The following TENM4 variants were observed in gnomAD, a reference collection of about 807,000 sequenced individuals.
TENM4 encodes teneurin transmembrane protein 4.
A neutral mutation model predicts 243.3 loss-of-function variants in TENM4; 82 were observed. The observed-to-expected ratio is 0.34, with a 90% confidence interval of 0.28 to 0.40. The LOEUF (loss-of-function observed/expected upper bound fraction) is 0.40, where lower values mean the gene tolerates loss of function less well. Among genes scored for constraint, TENM4 ranks in the 10% least tolerant of loss-of-function variants. The pLI is 1.00. For synonymous variants in TENM4, 1,412 were observed against 1,456.3 expected (o/e 0.97, Z 0.69); for missense variants, 3,138 against 3,673.3 (o/e 0.85, Z 3.77).
chr11:79,343,331 C>T (rs942718705), intron 1 of TENM4, among the ~76,000 whole-genome samples: 1 of 152,172 alleles, frequency 6.6e-6, no homozygotes, highest in Non-Finnish European at 1.5e-5. Flanking sequence ...CACAGAGGCT[C>T]AGGAAAGTGA....
chr11:78,755,975 C>T (rs1856295694), intron 19 of TENM4, among the ~76,000 whole-genome samples: 1 of 152,088 alleles, frequency 6.6e-6, no homozygotes, highest in African/African-American at 2.4e-5. Context: ...ATTATAAATC[C>T]CTGCTCTTGG....
At chr11:79,072,538 A>G (rs1197714640) in intron 4 of TENM4, among the ~76,000 whole-genome samples, 1 of 152,180 alleles carries the variant, frequency 6.6e-6, no homozygotes, top group African/African-American at 2.4e-5. Flanking sequence ...ACACACATTG[A>G]TGTATGCGAA....
chr11:79,182,841 G>A (rs908000015), intron 3 of TENM4, among the ~76,000 whole-genome samples: 5 of 152,124 alleles, frequency 3.3e-5, no homozygotes, highest in African/African-American at 1.2e-4. Flanking sequence ...TGCCAGTAGA[G>A]AACTGCAAAT....
chr11:79,269,239 C>T (rs754864542), intron 2 of TENM4, among the ~76,000 whole-genome samples: 75 of 152,192 alleles, frequency 4.9e-4, no homozygotes, highest in Non-Finnish European at 7.8e-4. Flanking sequence ...AAAAACTATG[C>T]TGTGATAGTC....
chr11:79,003,516 A>G (rs774392403), intron 6 of TENM4, among the ~76,000 whole-genome samples: 17 of 152,216 alleles, frequency 1.1e-4, no homozygotes, highest in Non-Finnish European at 1.8e-4. Flanking sequence ...TAAGAAAACA[A>G]ATTTCAACCA....
At chr11:78,856,277 C>T (rs918241493) in intron 10 of TENM4, 99 bp from the exon 11 acceptor site, 12 of 1,020,874 alleles carry the variant, frequency 1.2e-5, no homozygotes, top group Non-Finnish European at 1.7e-5. Flanking sequence ...TCCTTAGCCT[C>T]ACATCCTTCT....
intron 6 of TENM4, among the ~76,000 whole-genome samples, chr11:78,977,260 G>A (rs933110081): frequency 7.9e-5 from 12 of 152,302 alleles, no homozygotes; most frequent in Admixed American, 2.6e-4. Flanking sequence ...CCTCTACTAT[G>A]ACCTCATCTC....
At chr11:79,429,795 A>T (rs1859129377) in intron 1 of TENM4, among the ~76,000 whole-genome samples, 1 of 152,224 alleles carries the variant, frequency 6.6e-6, no homozygotes, top group South Asian at 2.1e-4. Context: ...AGCTTTGGAA[A>T]TAATGGTGCT....
intron 19 of TENM4, chr11:78,756,451 G>A (rs766948008): frequency 2.6e-5 from 7 of 267,376 alleles, no homozygotes; most frequent in Non-Finnish European, 5.1e-5. Context: ...CTTTGAGGGT[G>A]AGCAGCATCA....
In TENM4 at chr11:79,331,422, C is replaced by T. The variant is rs1857060379; in HGVS notation, c.-320-33879G>A. ...TTGCCTTATCTGTAAAACAAAGGCACAACAGAGTCCTTGTCTCAGTGGGTT... is the reference window on the plus strand; with the variant it reads ...TTGCCTTATCTGTAAAACAAAGGCATAACAGAGTCCTTGTCTCAGTGGGTT... On this transcript the variant is annotated intron_variant, in intron 1 of 33. Coordinates refer to ENST00000278550, the MANE Select transcript of TENM4 (RefSeq NM_001098816.3). Among the ~76,000 whole-genome samples, 3 of 152,112 alleles carry T rather than the reference C, an allele frequency of 2.0e-5. No individual in the cohort carries two copies. The South Asian group carries it at 6.2e-4, about 32-fold the overall frequency.
chr11:79,410,273 G>A (rs1331346488), intron 1 of TENM4, among the ~76,000 whole-genome samples: 1 of 152,046 alleles, frequency 6.6e-6, no homozygotes, highest in Admixed American at 6.6e-5. Context: ...AGGGCTTTAG[G>A]AAGAACCCAA....
intron 1 of TENM4, among the ~76,000 whole-genome samples, chr11:79,322,864 C>G (rs909759280): frequency 2.6e-5 from 4 of 152,200 alleles, no homozygotes; most frequent in Admixed American, 6.5e-5. Flanking sequence ...TACAATTTCT[C>G]TTGAGAATCC....
intron 1 of TENM4, among the ~76,000 whole-genome samples, chr11:79,397,435 A>G (rs1858368217): frequency 6.6e-6 from 1 of 152,096 alleles, no homozygotes; most frequent in Non-Finnish European, 1.5e-5. Context: ...GCCCCCTCCA[A>G]CTATGTGCTA....
chr11:78,899,158 A>G (rs1855868971), intron 7 of TENM4, among the ~76,000 whole-genome samples: 1 of 152,158 alleles, frequency 6.6e-6, no homozygotes, highest in Non-Finnish European at 1.5e-5. Flanking sequence ...AAAAGCATCA[A>G]TAGCTCCTGT....
chr11:78,705,994 C>T (rs1467568343), intron 27 of TENM4, among the ~76,000 whole-genome samples: 2 of 152,190 alleles, frequency 1.3e-5, no homozygotes, highest in South Asian at 2.1e-4. Context: ...AATTTGTGTA[C>T]ATAATTTCAT....
At position 78,757,143 on chromosome 11, in the gene TENM4, T is replaced by G. The variant is rs906380937; in HGVS notation, c.2540-122A>C. The G allele has an allele frequency of 1.8e-5, 19 of 1,062,242 alleles. No individual in the cohort carries two copies. The African/African-American group carries it at 2.1e-4, about 12-fold the overall frequency. The allele number at this position is 1,062,242 out of a possible 1,614,324, so 65.8% of individuals were successfully genotyped here. ...ATTCAAAAACTTTATTAAATGCTGA[T>G]ATAAGCCAAAGTCTTTGCTGGGCAC... On this transcript the variant is annotated intron_variant, in intron 18 of 33. Transcript: ENST00000278550.
chr11:79,373,814 A>C (rs564615589), intron 1 of TENM4, among the ~76,000 whole-genome samples: 1 of 152,348 alleles, frequency 6.6e-6, no homozygotes, highest in East Asian at 1.9e-4. Context: ...CTGACTCACC[A>C]TAGAGTCAAA....
At chr11:78,844,078 G>A (rs1858326804) in intron 12 of TENM4, among the ~76,000 whole-genome samples, 1 of 152,198 alleles carries the variant, frequency 6.6e-6, no homozygotes, top group African/African-American at 2.4e-5. Context: ...TATGTTGTGT[G>A]AGCCACTGGT....
chr11:79,347,696 A>G (rs567890531), intron 1 of TENM4, among the ~76,000 whole-genome samples: 6 of 151,962 alleles, frequency 3.9e-5, no homozygotes, highest in Admixed American at 3.3e-4. Flanking sequence ...CCCTGTCTAT[A>G]AAAACAGGAA....
Sources: allele counts gnomAD v4.1 joint callset (sites outside exome capture counted in the v4.1 genomes callset), GRCh38; gene constraint gnomAD v4.1.1; transcripts MANE v1.5; gene names NCBI Gene and HGNC (gene_info 2026-07-23, HGNC 2026-07-21).